The following CEP63 variants were observed in gnomAD, a reference collection of about 807,000 sequenced individuals.
The protein encoded by CEP63 is centrosomal protein of 63 kDa.
In CEP63, 84 loss-of-function variants were observed where a neutral mutation model predicts 89.1. That is an observed-to-expected ratio of 0.94 (90% CI 0.79 to 1.13). The LOEUF is 1.13. CEP63 is among the 50% of genes most tolerant of loss of function. CEP63 has a pLI of 0.00. For synonymous variants in CEP63, 267 were observed against 272.5 expected (o/e 0.98, Z 0.20); for missense variants, 838 against 813.3 (o/e 1.03, Z -0.37).
chr3:134,607,007 A>G, the CEP63 span: 1 of 984,772 alleles, frequency 1.0e-6, no homozygotes, highest in Non-Finnish European at 1.2e-6. Flanking sequence ...AGTATCAGAT[A>G]TATGGAATCA....
the CEP63 span, among the ~76,000 whole-genome samples, chr3:134,687,257 A>G: frequency 2.0e-5 from 3 of 152,244 alleles, no homozygotes; most frequent in African/African-American, 7.2e-5. Context: ...ATACTCAGCA[A>G]GTGTGCCTTT....
chr3:134,620,909 G>A, the CEP63 span: 1 of 1,126,082 alleles, frequency 8.9e-7, no homozygotes, highest in Non-Finnish European at 1.3e-6. Flanking sequence ...GGGGCTGTTG[G>A]GGGCCCAGCA....
At chr3:134,587,876 C>G (rs1958518053), downstream of CEP63, among the ~76,000 whole-genome samples, 1 of 151,960 alleles carries the variant, frequency 6.6e-6, no homozygotes, top group African/African-American at 2.4e-5. Context: ...TAATACATCT[C>G]TCTCAGTAAA....
chr3:134,690,728 G>A, the CEP63 span, among the ~76,000 whole-genome samples: 1 of 142,206 alleles, frequency 7.0e-6, no homozygotes, highest in Non-Finnish European at 1.5e-5. Flanking sequence ...AATCATATTA[G>A]AAAGGAAGAC....
the CEP63 span, among the ~76,000 whole-genome samples, chr3:134,737,678 A>G: frequency 6.6e-6 from 1 of 152,316 alleles, no homozygotes; most frequent in Non-Finnish European, 1.5e-5. Context: ...TCTGCTCTAC[A>G]TAATGTCTTC....
At chr3:134,489,977 T>C (rs930702243) in intron 1 of CEP63, among the ~76,000 whole-genome samples, 16 of 152,202 alleles carry the variant, frequency 1.1e-4, no homozygotes, top group Non-Finnish European at 2.2e-4. Flanking sequence ...ATATGACCAA[T>C]AGCTTTGGTA....
chr3:134,495,414 ATATT>A (rs1559861524), intron 2 of CEP63, 50 bp downstream of exon 2: 6 of 1,168,956 alleles, frequency 5.1e-6, no homozygotes, highest in Non-Finnish European at 7.7e-6. Context: ...ACATGATTAC[ATATT>A]TATAGGGTTC....
the CEP63 span, among the ~76,000 whole-genome samples, chr3:134,752,809 G>T: frequency 6.6e-6 from 1 of 152,082 alleles, no homozygotes; most frequent in African/African-American, 2.4e-5. Flanking sequence ...AGGGCTCCTT[G>T]GTAATTGCCT....
At chr3:134,686,474 TA>T in the CEP63 span, among the ~76,000 whole-genome samples, 1 of 152,196 alleles carries the variant, frequency 6.6e-6, no homozygotes, top group Non-Finnish European at 1.5e-5. Flanking sequence ...AAGAGTCTTC[TA>T]GCCAGGGGCA....
the CEP63 span, among the ~76,000 whole-genome samples, chr3:134,760,285 T>C: frequency 3.9e-5 from 6 of 152,084 alleles, no homozygotes; most frequent in African/African-American, 1.4e-4. Flanking sequence ...GGTCTCGATC[T>C]CCTGACCTCG....
intron 6 of CEP63, among the ~76,000 whole-genome samples, chr3:134,540,812 G>A (rs1951846769): frequency 7.3e-6 from 1 of 136,798 alleles, no homozygotes; most frequent in African/African-American, 2.8e-5. Context: ...TTTTTGAGAT[G>A]GAGCCTCGGT....
chr3:134,590,686 A>G (rs1379568387), downstream of CEP63, among the ~76,000 whole-genome samples: 1 of 152,236 alleles, frequency 6.6e-6, no homozygotes, highest in Non-Finnish European at 1.5e-5. Context: ...ACAGTACACT[A>G]CAATTACATT....
chr3:134,725,302 A>AT, the CEP63 span, among the ~76,000 whole-genome samples: 4 of 151,242 alleles, frequency 2.6e-5, no homozygotes, highest in South Asian at 2.1e-4. Context: ...ACAATTTTGT[A>AT]TTTTTTTTTA....
At chr3:134,726,447 G>A in the CEP63 span, among the ~76,000 whole-genome samples, 1 of 129,168 alleles carries the variant, frequency 7.7e-6, no homozygotes, top group Non-Finnish European at 1.6e-5. Context: ...GCTGGACACA[G>A]GCACACAGAC....
the CEP63 span, among the ~76,000 whole-genome samples, chr3:134,764,221 T>C: frequency 1.3e-5 from 2 of 152,174 alleles, no homozygotes; most frequent in Non-Finnish European, 2.9e-5. Flanking sequence ...TCTGGTGGGA[T>C]TTTGGGGACC....
intron 2 of CEP63, among the ~76,000 whole-genome samples, chr3:134,502,444 C>T (rs567175538): frequency 2.0e-5 from 3 of 152,272 alleles, no homozygotes; most frequent in Admixed American, 1.3e-4. Context: ...GTGAATCCAT[C>T]TGGTCTGGGG....
the CEP63 span, among the ~76,000 whole-genome samples, chr3:134,638,707 C>A: frequency 1.3e-5 from 2 of 152,252 alleles, no homozygotes; most frequent in Non-Finnish European, 2.9e-5. Context: ...CACATGCTTA[C>A]TGCCCTGCCT....
chr3:134,583,706 A>G (rs969936760), intron 10 of CEP63, among the ~76,000 whole-genome samples: 1 of 152,086 alleles, frequency 6.6e-6, no homozygotes, highest in African/African-American at 2.4e-5. Context: ...TTTTTTTCCA[A>G]TTCTGTGAAG....
chr3:134,627,814 T>A, the CEP63 span: 2 of 1,612,396 alleles, frequency 1.2e-6, no homozygotes, highest in African/African-American at 2.7e-5. Context: ...TATCACCTTG[T>A]AAACCTACAA....
Sources: allele counts gnomAD v4.1 joint callset (sites outside exome capture counted in the v4.1 genomes callset), GRCh38; gene constraint gnomAD v4.1.1; transcripts MANE v1.5; gene names NCBI Gene and HGNC (gene_info 2026-07-23, HGNC 2026-07-21).